Variants in FMN2 observed in about 807,000 individuals in gnomAD.
FMN2 encodes formin 2, also known as formin-2.
Under a neutral mutation model 142.3 loss-of-function variants are expected in FMN2, and 51 were observed. That is an observed-to-expected ratio of 0.36 (90% CI 0.29 to 0.45). The LOEUF (loss-of-function observed/expected upper bound fraction) is 0.45. FMN2 is among the 20% of genes least tolerant of loss of function. The probability of loss-of-function intolerance (pLI) is 1.00; values close to 1 mark genes in which losing one functional copy is unlikely to be tolerated. For missense variants in FMN2, 1,936 were observed against 2,122.8 expected, an observed-to-expected ratio of 0.91 and a Z score of 1.73; for synonymous variants, 882 against 869.8, an observed-to-expected ratio of 1.01 and a Z score of -0.25.
At chr1:240,384,481 T>G (rs1334525071) in intron 14 of FMN2, among the ~76,000 whole-genome samples, 1 of 152,146 alleles carries the variant, frequency 6.6e-6, no homozygotes, top group Non-Finnish European at 1.5e-5. Flanking sequence ...TCTTTCTTCT[T>G]GACATCTCGA....
chr1:240,446,893 A>C (rs1347391278), intron 16 of FMN2, among the ~76,000 whole-genome samples: 1 of 152,170 alleles, frequency 6.6e-6, no homozygotes, highest in African/African-American at 2.4e-5. Context: ...GCTCGACTTT[A>C]GGATTTCAGC....
At chr1:240,241,598 C>T (rs965071984) in intron 6 of FMN2, among the ~76,000 whole-genome samples, 2 of 152,134 alleles carry the variant, frequency 1.3e-5, no homozygotes, top group African/African-American at 4.8e-5. Flanking sequence ...TGACTCAATA[C>T]ATAATAGTTA....
intron 15 of FMN2, among the ~76,000 whole-genome samples, chr1:240,420,184 C>T (rs1251401443): frequency 2.0e-5 from 3 of 152,172 alleles, no homozygotes; most frequent in Non-Finnish European, 4.4e-5. Context: ...CTTCCTGATG[C>T]ATTCTTTATG....
chr1:240,148,971 C>CAAAAAA (rs57556688), intron 2 of FMN2, among the ~76,000 whole-genome samples: 22,636 of 143,054 alleles, frequency 0.16, 2,059 homozygotes, highest in South Asian at 0.24. Context: ...GACTCCGTCT[C>CAAAAAA]AAAAAAAAAT....
intron 3 of FMN2, among the ~76,000 whole-genome samples, chr1:240,184,047 C>G (rs1043334631): frequency 6.6e-6 from 1 of 151,844 alleles, no homozygotes; most frequent in African/African-American, 2.4e-5. Flanking sequence ...AGGCATATCC[C>G]GCTCATTGTC....
At position 240,241,728 on chromosome 1, in the gene FMN2, C is replaced by G. The variant is rs1667902526; in HGVS notation, c.4066-16217C>G. Among the ~76,000 whole-genome samples, 3 of 150,686 alleles carry G rather than the reference C, an allele frequency of 2.0e-5. No homozygotes were observed. In the Admixed American group the frequency reaches 2.0e-4, roughly 10 times the overall value. ...CTCCTCTTGTTTAACAGCTTCTATT[C>G]TAAGAGAAGAATCTAACCATTGATT... On this transcript the variant is annotated intron_variant, in intron 6 of 17. Coordinates refer to ENST00000319653, the MANE Select transcript of FMN2 (RefSeq NM_020066.5).
intron 2 of FMN2, chr1:240,142,690 T>G: frequency 6.2e-7 from 1 of 1,611,098 alleles, no homozygotes; most frequent in Non-Finnish European, 8.5e-7. Context: ...TTGGGGTTCT[T>G]CCGAAGGATA....
At chr1:240,215,121 G>C (rs757491684) in intron 6 of FMN2, among the ~76,000 whole-genome samples, 10 of 152,114 alleles carry the variant, frequency 6.6e-5, no homozygotes, top group Non-Finnish European at 1.5e-4. Flanking sequence ...GAATTTACTT[G>C]GGAGTGATTT....
chr1:240,146,243 A>T (rs1461187083), intron 2 of FMN2, among the ~76,000 whole-genome samples: 2 of 151,118 alleles, frequency 1.3e-5, no homozygotes, highest in African/African-American at 4.9e-5. Context: ...AAATACAAAA[A>T]ATTAGCCAGA....
intron 13 of FMN2, among the ~76,000 whole-genome samples, chr1:240,340,800 A>G (rs1251047368): frequency 6.6e-6 from 1 of 151,970 alleles, no homozygotes; most frequent in Non-Finnish European, 1.5e-5. Flanking sequence ...CTTTCCTTGG[A>G]TAAGTATGGT....
At chr1:240,245,594 C>A in intron 6 of FMN2, 1 of 471,022 alleles carries the variant, frequency 2.1e-6, no homozygotes, top group South Asian at 1.5e-5. Flanking sequence ...TATGGTTTTC[C>A]GTGCATTTAC....
At chr1:240,200,144 C>T (rs571743441) in intron 4 of FMN2, among the ~76,000 whole-genome samples, 1 of 152,284 alleles carries the variant, frequency 6.6e-6, no homozygotes, top group African/African-American at 2.4e-5. Flanking sequence ...GAGGGCTTTC[C>T]ACGGACAACA....
rs1461811509 is a variant in FMN2, at chr1:240,211,251, C to T, written c.4065+16C>T. 1.2e-5 allele frequency: 20 copies of T among 1,606,516 alleles called. No homozygotes were observed. The East Asian group carries it at 4.5e-4, about 36-fold the overall frequency. On this transcript the variant is annotated intron_variant, in intron 6 of 17. Coordinates refer to ENST00000319653, the MANE Select transcript of FMN2 (RefSeq NM_020066.5). ...GGCTAAACAAGTGAGTATTTTTGTGCTTTATGAAATTGGACAGTGTTTCTG... is the reference window on the plus strand; with the variant it reads ...GGCTAAACAAGTGAGTATTTTTGTGTTTTATGAAATTGGACAGTGTTTCTG...
intron 6 of FMN2, chr1:240,245,691 T>C (rs2102875696): frequency 2.2e-6 from 1 of 451,386 alleles, no homozygotes; most frequent in Non-Finnish European, 4.5e-6. Context: ...TTGTAAAAGA[T>C]GAAAAGTTAA....
intron 4 of FMN2, among the ~76,000 whole-genome samples, chr1:240,199,815 C>T (rs1666061191): frequency 6.6e-6 from 1 of 152,170 alleles, no homozygotes; most frequent in South Asian, 2.1e-4. Flanking sequence ...ATTTAACCTT[C>T]CTCCATTTAT....
At chr1:240,359,724 G>T (rs1363120405) in intron 14 of FMN2, among the ~76,000 whole-genome samples, 1 of 152,174 alleles carries the variant, frequency 6.6e-6, no homozygotes, top group Non-Finnish European at 1.5e-5. Context: ...GGCATTCATT[G>T]TTTGTAAAGG....
chr1:240,367,012 T>G, intron 14 of FMN2, among the ~76,000 whole-genome samples: 1 of 152,326 alleles, frequency 6.6e-6, no homozygotes, highest in East Asian at 1.9e-4. Context: ...TCAAAGTGTT[T>G]TTAAAAATGA....
intron 6 of FMN2, among the ~76,000 whole-genome samples, chr1:240,235,543 C>T (rs1667680911): frequency 6.6e-6 from 1 of 151,878 alleles, no homozygotes; most frequent in Non-Finnish European, 1.5e-5. Flanking sequence ...TCCCAAGTAT[C>T]TGGGATTATA....
chr1:240,427,039 C>T lies in FMN2; in HGVS notation c.4911-11022C>T, dbSNP rs531318160. Among the ~76,000 whole-genome samples the T allele has an allele frequency of 2.6e-5, 4 of 151,766 alleles. No individual in the cohort carries two copies. The South Asian group carries it at 8.3e-4, about 32-fold the overall frequency. ...GCAAGCGTGAGCTACCGTGCCAGGCCCAAGATACCCTTGTTAAAAGAAAGC... is the reference window on the plus strand; with the variant it reads ...GCAAGCGTGAGCTACCGTGCCAGGCTCAAGATACCCTTGTTAAAAGAAAGC... On this transcript the variant is annotated intron_variant, in intron 15 of 17. Transcript: ENST00000319653.
Sources: gnomAD v4.1 joint callset for allele counts (sites outside exome capture counted in the v4.1 genomes callset) on GRCh38, gnomAD v4.1.1 for gene constraint, MANE v1.5 for transcripts, NCBI Gene and HGNC (gene_info 2026-07-23, HGNC 2026-07-21) for gene names.